The following TERB1 variants were observed in gnomAD, a reference collection of about 807,000 sequenced individuals.
TERB1 encodes telomere repeat binding bouquet formation protein 1, also known as telomere repeats-binding bouquet formation protein 1.
Under a neutral mutation model 92.3 loss-of-function variants are expected in TERB1, and 63 were observed. The observed-to-expected ratio is 0.68, with a 90% CI of 0.56 to 0.84. The LOEUF is 0.84. Ranked by LOEUF, TERB1 falls within the 40% of genes least tolerant of loss-of-function variation. The pLI, the probability that TERB1 is intolerant of heterozygous loss-of-function variation, is 0.00. For missense variants in TERB1, 709 were observed against 843.7 expected (o/e 0.84, Z 1.98); for synonymous variants, 252 against 283.9 (o/e 0.89, Z 1.13).
At chr16:66,758,921 A>G (rs1260488798) in intron 17 of TERB1, 83 bp from the exon 18 acceptor site, 1 of 1,042,056 alleles carries the variant, frequency 9.6e-7, no homozygotes, top group Non-Finnish European at 1.4e-6. Context: ...TATTTCCTTT[A>G]TTCCCCCGTC....
At chr16:66,779,155 A>T (rs2018595903) in intron 9 of TERB1, 140 bp from the exon 10 acceptor site, 1 of 552,734 alleles carries the variant, frequency 1.8e-6, no homozygotes, top group Non-Finnish European at 2.9e-6. Flanking sequence ...CTAAAAATCC[A>T]ATCTTTACCT....
chr16:66,788,111 T>C, intron 6 of TERB1, 58 bp downstream of exon 6: 1 of 1,254,870 alleles, frequency 8.0e-7, no homozygotes, highest in East Asian at 3.1e-5. Context: ...AAAAAATTAA[T>C]AATGGCTGTT....
rs1265853733 is a variant in TERB1, at chr16:66,775,192, T to G, written c.1037A>C (p.Gln346Pro). 6.4e-7 allele frequency: 1 copy of G among 1,551,470 alleles called. No individual in the cohort carries two copies. The highest frequency in any genetic ancestry group is 2.0e-5 in the Admixed American group (1 of 50,992). Reference sequence around the variant, plus strand: ...CTCATTCTGCGATTCAGTTAAGGCTTGAATCATGAGTGGAAGCCCATTGTT... The same window carrying G: ...CTCATTCTGCGATTCAGTTAAGGCTGGAATCATGAGTGGAAGCCCATTGTT... ...FKNNGLPLMI[Q>P]ALTESQNEEL... Residue 346 changes from glutamine to proline, a missense_variant, in exon 12 of 19, where the codon CAA becomes CCA. Gln to Pro is a moderately conservative substitution (Grantham distance 76). Coordinates refer to ENST00000433154, the MANE Select transcript of TERB1 (RefSeq NM_001136505.2).
chr16:66,781,519 C>CTT (rs34191078), intron 9 of TERB1, among the ~76,000 whole-genome samples: 35,450 of 121,006 alleles, frequency 0.29, 6,556 homozygotes, highest in East Asian at 0.58. Context: ...GGTACAAATT[C>CTT]TTTTTTTTTT....
chr16:66,778,930 CTCA>C lies in TERB1; in HGVS notation c.783_785del (p.His261_Glu262delinsGln). 3 of 1,538,310 alleles carry C rather than the reference CTCA, an allele frequency of 2.0e-6. No homozygotes were observed. In the South Asian group the frequency reaches 3.6e-5, roughly 19 times the overall value. On this transcript the variant is annotated inframe_deletion, in exon 10 of 19. Coordinates refer to ENST00000433154, the MANE Select transcript of TERB1 (RefSeq NM_001136505.2). The stretch of plus-strand genomic sequence containing the variant: ...CTGCAAGTTTAGCACTGGAAAGAGT[CTCA>C]TGTGAATCAGATTCCAGCTGCATGA...
At position 66,796,765 on chromosome 16, in the gene TERB1, C is replaced by T. The variant is rs914524207; in HGVS notation, c.31+3G>A. 9 of 1,536,466 alleles carry T rather than the reference C, an allele frequency of 5.9e-6. No homozygotes were observed. The Admixed American group carries it at 7.9e-5, about 13-fold the overall frequency. On this transcript the variant is annotated splice_donor_region_variant and intron_variant, in intron 3 of 18. Coordinates refer to ENST00000433154, the MANE Select transcript of TERB1 (RefSeq NM_001136505.2). ...GCAGATATATGATCCATCAATTTCT[C>T]ACCTTGTGTTTTCTTTGTGTCTTCA... is the stretch of plus-strand genomic sequence containing the variant.
intron 3 of TERB1, among the ~76,000 whole-genome samples, chr16:66,791,555 G>A (rs1395193695): frequency 2.6e-5 from 4 of 152,024 alleles, no homozygotes; most frequent in Admixed American, 2.6e-4. Flanking sequence ...CAACAAAACT[G>A]ATAAACTTCT....
chr16:66,775,683 A>C (rs1219285498), intron 11 of TERB1, among the ~76,000 whole-genome samples: 6 of 151,694 alleles, frequency 4.0e-5, no homozygotes, highest in Admixed American at 3.3e-4. Context: ...AATTTTTAAA[A>C]TAGAGAAACA....
intron 6 of TERB1, among the ~76,000 whole-genome samples, chr16:66,787,886 C>T (rs763884878): frequency 6.6e-6 from 1 of 152,074 alleles, no homozygotes; most frequent in Non-Finnish European, 1.5e-5. Context: ...CATGGTGCAA[C>T]CCCTGTCTCT....
intron 10 of TERB1, 101 bp downstream of exon 10, chr16:66,778,762 A>T: frequency 1.1e-6 from 1 of 945,898 alleles, no homozygotes; most frequent in East Asian, 2.9e-5. Flanking sequence ...TGAGAAACTT[A>T]GTCTAAACCA....
At chr16:66,761,731 T>A (rs900745338) in intron 16 of TERB1, among the ~76,000 whole-genome samples, 3 of 150,668 alleles carry the variant, frequency 2.0e-5, no homozygotes, top group Admixed American at 6.6e-5. Context: ...AAGGCTGCAG[T>A]GAGCCATGAT....
intron 11 of TERB1, among the ~76,000 whole-genome samples, chr16:66,776,052 G>A (rs898160886): frequency 9.9e-5 from 15 of 151,784 alleles, no homozygotes; most frequent in African/African-American, 2.7e-4. Flanking sequence ...ACTTAAGGCC[G>A]GGCTCGGTGG....
intron 5 of TERB1, among the ~76,000 whole-genome samples, chr16:66,790,022 A>C (rs2018802952): frequency 6.6e-6 from 1 of 152,134 alleles, no homozygotes; most frequent in South Asian, 2.1e-4. Flanking sequence ...ATGAAGAAAT[A>C]TTTAATAAAT....
chr16:66,791,472 A>C (rs1386167094), intron 3 of TERB1, among the ~76,000 whole-genome samples: 1 of 152,162 alleles, frequency 6.6e-6, no homozygotes, highest in Non-Finnish European at 1.5e-5. Context: ...AGGTACAATA[A>C]AGGAAATTAT....
chr16:66,776,828 A>G (rs781212136), intron 11 of TERB1, among the ~76,000 whole-genome samples: 17 of 152,342 alleles, frequency 1.1e-4, no homozygotes, highest in South Asian at 6.2e-4. Flanking sequence ...AGATTTGTGC[A>G]GCAATGTGCA....
At chr16:66,797,571 C>G (rs1959203806) in intron 2 of TERB1, among the ~76,000 whole-genome samples, 1 of 150,180 alleles carries the variant, frequency 6.7e-6, no homozygotes, top group Non-Finnish European at 1.5e-5. Context: ...AAATCTTCAT[C>G]TCATAGTTTC....
chr16:66,772,235 T>C (rs536980673), intron 13 of TERB1, among the ~76,000 whole-genome samples: 4 of 152,280 alleles, frequency 2.6e-5, no homozygotes, highest in Admixed American at 2.6e-4. Context: ...ATCCCAGCAT[T>C]TCGGGAGGCT....
At chr16:66,782,075 AGTTT>A (rs941981394) in intron 9 of TERB1, among the ~76,000 whole-genome samples, 3 of 152,142 alleles carry the variant, frequency 2.0e-5, no homozygotes, top group African/African-American at 7.2e-5. Context: ...ATTTCAAGTT[AGTTT>A]TTGTATACTG....
chr16:66,788,341 A>G, intron 5 of TERB1, 44 bp from the exon 6 acceptor site: 1 of 1,422,584 alleles, frequency 7.0e-7, no homozygotes, highest in Non-Finnish European at 9.3e-7. Flanking sequence ...ATTGTCACAA[A>G]CATGCTTTAA....
Sources: allele counts gnomAD v4.1 joint callset (sites outside exome capture counted in the v4.1 genomes callset), GRCh38; gene constraint gnomAD v4.1.1; transcripts MANE v1.5; gene names NCBI Gene and HGNC (gene_info 2026-07-23, HGNC 2026-07-21).